The following DEGS2 variants were observed in gnomAD, a reference collection of about 807,000 sequenced individuals.
DEGS2 encodes sphingolipid delta(4)-desaturase/C4-monooxygenase DES2.
In DEGS2, 19 loss-of-function variants were observed where a neutral mutation model predicts 23.8. The observed-to-expected ratio is 0.80, with a 90% CI of 0.56 to 1.17. DEGS2 has a LOEUF of 1.17. Among genes scored for constraint, DEGS2 ranks in the 50% most tolerant of loss-of-function variants. DEGS2 has a pLI of 0.00. For synonymous variants in DEGS2, 218 were observed against 213.7 expected, an observed-to-expected ratio of 1.02 and a Z score of -0.18; for missense variants, 390 against 459.5, an observed-to-expected ratio of 0.85 and a Z score of 1.38.
At chr14:100,147,769 C>T (rs1015387827) in intron 2 of DEGS2, among the ~76,000 whole-genome samples, 15 of 151,794 alleles carry the variant, frequency 9.9e-5, no homozygotes, top group African/African-American at 2.9e-4. Context: ...GGGGCCAGCA[C>T]CAGGCACCCA....
At chr14:100,153,296 TA>T (rs1889606910) in intron 1 of DEGS2, among the ~76,000 whole-genome samples, 1 of 136,020 alleles carries the variant, frequency 7.4e-6, no homozygotes, top group South Asian at 2.5e-4. Context: ...GATAGATAGA[TA>T]GATAGATAAT....
rs1194805948 is a variant in DEGS2 at position 100,147,631 on chromosome 14, A to G, written c.826-724T>C. ...GCTCAACGGCATGCAGCCTTGGCCC[A>G]GCTCCCATCACAGGGATGCCCTCCC... On this transcript the variant is annotated intron_variant, in intron 2 of 2. Coordinates refer to ENST00000305631, the MANE Select transcript of DEGS2 (RefSeq NM_206918.3). Among the ~76,000 whole-genome samples, 3 of 143,778 alleles carry G rather than the reference A, an allele frequency of 2.1e-5. No homozygotes were observed. In the East Asian group the frequency reaches 6.1e-4, roughly 29 times the overall value. The allele number at this position is 143,778 out of a possible 152,430, so 94.3% of individuals were successfully genotyped here.
chr14:100,147,652 C>A (rs1889474129), intron 2 of DEGS2, among the ~76,000 whole-genome samples: 1 of 124,606 alleles, frequency 8.0e-6, no homozygotes, highest in Non-Finnish European at 1.8e-5. Context: ...CAGGGATGCC[C>A]TCCCTGCCCC....
In DEGS2 at chr14:100,149,632, T is replaced by TGCACCA. The variant is rs772314264; in HGVS notation, c.155_160dup (p.Leu52_Val53dup). 30 of 1,611,942 alleles carry TGCACCA rather than the reference T, an allele frequency of 1.9e-5. No individual in the cohort carries two copies. Among genetic ancestry groups the TGCACCA allele is most frequent in the South Asian group, 2.2e-5 (2 of 90,996 alleles). ...GCGCACCAGCCAGCAGGCCAGCATC[T>TGCACCA]GCACCAGCACCAGCACCAGCACCGC... is the stretch of plus-strand genomic sequence containing the variant. On this transcript the variant is annotated inframe_insertion, in exon 2 of 3. Coordinates refer to ENST00000305631, the MANE Select transcript of DEGS2 (RefSeq NM_206918.3).
At chr14:100,166,326 G>GAAGTGGGAGGAGC in the DEGS2 span, among the ~76,000 whole-genome samples, 10 of 75,154 alleles carry the variant, frequency 1.3e-4, no homozygotes, top group South Asian at 2.0e-3. Flanking sequence ...CCTGCCCGGG[G>GAAGTGGGAGGAGC]CTGTGGGGGA....
At chr14:100,158,065 C>G (rs1889686586) in intron 1 of DEGS2, among the ~76,000 whole-genome samples, 1 of 121,964 alleles carries the variant, frequency 8.2e-6, no homozygotes, top group African/African-American at 3.3e-5. Flanking sequence ...CCGGTCTGGG[C>G]GACAGAGCAA....
Position 100,149,066 on chromosome 14 carries a change from A to G in DEGS2, c.727T>C (p.Tyr243His), listed in dbSNP as rs780261190. 6.2e-7 allele frequency: 1 copy of G among 1,612,960 alleles called. No individual in the cohort carries two copies. Among genetic ancestry groups the G allele is most frequent in the Non-Finnish European group, 8.5e-7 (1 of 1,180,006 alleles). Residue 243 changes from tyrosine to histidine, a missense_variant, in exon 2 of 3, where the codon TAC becomes CAC. Transcript: ENST00000305631. ...HYMFLKGHET[Y>H]SYYGPLNWIT... ...CAGTTGAGAGGCCCATAGTAGGAGT[A>G]GGTCTCGTGGCCCTTGAGGAACATG...
At chr14:100,165,427 C>T in the DEGS2 span, among the ~76,000 whole-genome samples, 5 of 152,272 alleles carry the variant, frequency 3.3e-5, no homozygotes, top group Non-Finnish European at 7.3e-5. Flanking sequence ...AGCCCCTGCT[C>T]TTGAGAACTG....
chr14:100,148,712 C>T (rs1457975274), intron 2 of DEGS2, among the ~76,000 whole-genome samples: 1 of 152,242 alleles, frequency 6.6e-6, no homozygotes, highest in African/African-American at 2.4e-5. Context: ...AGTATCATGG[C>T]GGCATCAAGC....
chr14:100,157,943 C>T (rs1328689004), intron 1 of DEGS2, among the ~76,000 whole-genome samples: 2 of 151,678 alleles, frequency 1.3e-5, no homozygotes, highest in African/African-American at 2.4e-5. Context: ...CAAAATTAGC[C>T]GGGTGTGGTG....
chr14:100,146,892 G>C lies in DEGS2; in HGVS notation c.841C>G (p.Pro281Ala), dbSNP rs777035187. 1 of 1,613,188 alleles carries C rather than the reference G, an allele frequency of 6.2e-7. No individual in the cohort carries two copies. The highest frequency in any genetic ancestry group is 8.5e-7 in the Non-Finnish European group (1 of 1,179,716). The change falls in exon 3 of 3, where the codon CCC (proline) becomes GCC (alanine). Residue 281 changes from proline (P) to alanine (A), a missense_variant. Transcript: ENST00000305631. The part of the protein sequence containing the change: ...YNLPLVRKIA[P>A]EYYDHLPQHH... ...TGCGGCAGGTGGTCGTAGTACTCGG[G>C]CGCGATCTTCCGCACCTGTAGAGAG... is the stretch of plus-strand genomic sequence containing the variant.
At chr14:100,162,804 G>A (rs1286664949), upstream of DEGS2, among the ~76,000 whole-genome samples, 8 of 152,158 alleles carry the variant, frequency 5.3e-5, no homozygotes, top group South Asian at 4.1e-4. Flanking sequence ...CCCCCTGGCC[G>A]GAGTGCTGTG....
the DEGS2 span, among the ~76,000 whole-genome samples, chr14:100,165,127 C>G: frequency 1.3e-5 from 2 of 152,174 alleles, no homozygotes; most frequent in African/African-American, 2.4e-5. Context: ...ATGCCAGTGA[C>G]CACCTCACAG....
intron 1 of DEGS2, 49 bp downstream of exon 1, chr14:100,159,457 C>A: frequency 1.4e-6 from 2 of 1,403,232 alleles, no homozygotes; most frequent in Non-Finnish European, 9.4e-7. Context: ...CGACTCCAGA[C>A]GGGCCAACGG....
upstream of DEGS2, among the ~76,000 whole-genome samples, chr14:100,161,267 C>T (rs1389575695): frequency 1.3e-5 from 2 of 152,232 alleles, no homozygotes; most frequent in Non-Finnish European, 2.9e-5. Flanking sequence ...CCCAGGCCAC[C>T]GCCTATCCAG....
At chr14:100,156,785 C>A (rs900119234) in intron 1 of DEGS2, among the ~76,000 whole-genome samples, 9 of 151,924 alleles carry the variant, frequency 5.9e-5, no homozygotes, top group Admixed American at 1.3e-4. Flanking sequence ...CAAGGCTAAG[C>A]AAGACAGAGC....
the DEGS2 span, among the ~76,000 whole-genome samples, chr14:100,165,456 T>C: frequency 5.9e-5 from 9 of 152,226 alleles, no homozygotes; most frequent in African/African-American, 2.2e-4. Flanking sequence ...AAACCATCTT[T>C]TCAACGGCAA....
At position 100,144,110 on chromosome 14, in the gene DEGS2, G is replaced by A. The variant is rs772835722; in HGVS notation, c.*2651C>T. 1.5e-5 allele frequency: 5 copies of A among 322,602 alleles called. No homozygotes were observed. The highest frequency in any genetic ancestry group is 2.3e-5 in the Non-Finnish European group (4 of 171,792). The allele number at this position is 322,602 out of a possible 1,614,324, so 20.0% of individuals were successfully genotyped here. A position where few individuals can be genotyped will look rare whatever the true frequency, so the allele number is the denominator to read the frequency against. The stretch of plus-strand genomic sequence containing the variant: ...AGCTGGCGGTGACAGCCGGCCCAGC[G>A]TGGCGCCACCACACACCGCAGAGCT... On this transcript the variant is annotated 3_prime_UTR_variant, in exon 3 of 3. Transcript: ENST00000305631.
intron 1 of DEGS2, 149 bp downstream of exon 1, chr14:100,159,357 G>A (rs1450613428): frequency 5.0e-6 from 3 of 596,662 alleles, no homozygotes; most frequent in Non-Finnish European, 8.0e-6. Flanking sequence ...AGCCGGCCGG[G>A]GACCCCAGGG....
Sources: allele counts gnomAD v4.1 joint callset (sites outside exome capture counted in the v4.1 genomes callset), GRCh38; gene constraint gnomAD v4.1.1; transcripts MANE v1.5; gene names NCBI Gene and HGNC (gene_info 2026-07-23, HGNC 2026-07-21).